Variants in PTPRD observed in about 807,000 individuals in gnomAD.
The protein encoded by PTPRD is receptor-type tyrosine-protein phosphatase delta.
In PTPRD, 34 loss-of-function variants were observed where a neutral mutation model predicts 214.5. The observed-to-expected ratio is 0.16, with a 90% CI of 0.12 to 0.21. The LOEUF (loss-of-function observed/expected upper bound fraction) is 0.21, where lower values mean the gene tolerates loss of function less well. Ranked by LOEUF, PTPRD falls within the 10% of genes least tolerant of loss-of-function variation. The pLI is 1.00. For synonymous variants in PTPRD, 1,128 were observed against 845.7 expected (o/e 1.33, Z -5.79); for missense variants, 2,545 against 2,398.7 (o/e 1.06, Z -1.27).
intron 14 of PTPRD, 50 bp from the exon 15 acceptor site, chr9:8,528,829 C>G (rs2139495297): frequency 6.4e-7 from 1 of 1,565,590 alleles, no homozygotes; most frequent in East Asian, 2.3e-5. Context: ...TCAGATGCTC[C>G]AAATTCAAGA....
intron 2 of PTPRD, among the ~76,000 whole-genome samples, chr9:10,478,515 G>A (rs1566359341): frequency 6.6e-6 from 1 of 152,132 alleles, no homozygotes; most frequent in South Asian, 2.1e-4. Context: ...CTATAGCACT[G>A]TGCCCTTTAT....
At chr9:9,366,127 A>T (rs1275257950) in intron 9 of PTPRD, among the ~76,000 whole-genome samples, 1 of 151,494 alleles carries the variant, frequency 6.6e-6, no homozygotes, top group African/African-American at 2.4e-5. Flanking sequence ...ACACCAGATC[A>T]TATATGGAAG....
intron 10 of PTPRD, among the ~76,000 whole-genome samples, chr9:9,149,614 C>T (rs145263885): frequency 3.3e-5 from 5 of 152,260 alleles, no homozygotes; most frequent in East Asian, 1.9e-4. Context: ...AAAAAAATCC[C>T]GGCTTCATCC....
chr9:9,067,316 A>G (rs1019645522), intron 10 of PTPRD, among the ~76,000 whole-genome samples: 4 of 152,222 alleles, frequency 2.6e-5, no homozygotes, highest in African/African-American at 9.6e-5. Context: ...TTATTACAGA[A>G]GTTAATAGCT....
chr9:9,072,225 G>C (rs773308511), intron 10 of PTPRD, among the ~76,000 whole-genome samples: 1 of 151,158 alleles, frequency 6.6e-6, no homozygotes, highest in Non-Finnish European at 1.5e-5. Context: ...AAGCTTAGTA[G>C]GGTTAGAATC....
chr9:9,086,587 C>T (rs902033935), intron 10 of PTPRD, among the ~76,000 whole-genome samples: 1 of 152,128 alleles, frequency 6.6e-6, no homozygotes, highest in African/African-American at 2.4e-5. Context: ...ACCATCTTGT[C>T]CTCACCCCTC....
chr9:10,240,742 T>C lies in PTPRD; in HGVS notation c.-545+100221A>G, dbSNP rs186636452. ...AACCCCTAACAAATAACAGCTAAAATGATAAATCTGCATGAAGAAAATATG... is the reference window on the plus strand; with the variant it reads ...AACCCCTAACAAATAACAGCTAAAACGATAAATCTGCATGAAGAAAATATG... On this transcript the variant is annotated intron_variant, in intron 3 of 45. Transcript: ENST00000381196. Among the ~76,000 whole-genome samples the C allele has an allele frequency of 1.9e-3, 284 of 151,972 alleles. 4 individuals carry two copies. Among genetic ancestry groups the C allele is most frequent in the African/African-American group, 6.6e-3 (276 of 41,536 alleles).
At chr9:8,468,042 G>A (rs769253926) in intron 31 of PTPRD, among the ~76,000 whole-genome samples, 7 of 151,906 alleles carry the variant, frequency 4.6e-5, no homozygotes, top group Admixed American at 2.6e-4. Flanking sequence ...GTTAATAGTC[G>A]CAATTCATCC....
At position 10,092,972 on chromosome 9, in the gene PTPRD, G is replaced by C. The variant is rs138802472; in HGVS notation, c.-544-59182C>G. 2.6e-3 allele frequency among the ~76,000 whole-genome samples: 392 copies of C among 151,418 alleles called. 4 individuals carry two copies. Among genetic ancestry groups the C allele is most frequent in the African/African-American group, 8.9e-3 (370 of 41,424 alleles). ...TAACTCAAGATAGACTGAAGATTTA[G>C]ATGTAAAACTTCAAACTGTAAAAAT... On this transcript the variant is annotated intron_variant, in intron 3 of 45. Coordinates refer to ENST00000381196, the MANE Select transcript of PTPRD (RefSeq NM_002839.4).
Position 8,319,727 on chromosome 9 carries a change from C to G in PTPRD, c.5670+104G>C. The G allele has an allele frequency of 2.2e-6, 3 of 1,388,730 alleles. No homozygotes were observed. In the East Asian group the frequency reaches 7.1e-5, roughly 33 times the overall value. 86.0% of individuals were successfully genotyped at this position (1,388,730 alleles called of 1,614,324 possible). ...ATTATTAAACAGTTTGATGCTTTCCCCACAGTATTTTGTGTCTGGTGTTGA... is the reference window on the plus strand; with the variant it reads ...ATTATTAAACAGTTTGATGCTTTCCGCACAGTATTTTGTGTCTGGTGTTGA... On this transcript the variant is annotated intron_variant, in intron 45 of 45. Transcript: ENST00000381196.
At chr9:8,666,076 A>G (rs1390727439) in intron 12 of PTPRD, among the ~76,000 whole-genome samples, 1 of 151,316 alleles carries the variant, frequency 6.6e-6, no homozygotes, top group East Asian at 1.9e-4. Context: ...CTTTATATTT[A>G]AAACTATCAG....
chr9:9,727,569 G>A (rs557526507), intron 7 of PTPRD, among the ~76,000 whole-genome samples: 2 of 152,166 alleles, frequency 1.3e-5, no homozygotes, highest in Admixed American at 6.5e-5. Flanking sequence ...ACTCTTCCAT[G>A]TAGTCCAATT....
chr9:8,680,375 GCT>G (rs2097528000), intron 12 of PTPRD, among the ~76,000 whole-genome samples: 2 of 152,016 alleles, frequency 1.3e-5, no homozygotes, highest in Admixed American at 1.3e-4. Context: ...AGAATAAAGG[GCT>G]ACCACTCCCA....
chr9:8,631,824 T>C (rs749919480), intron 14 of PTPRD, among the ~76,000 whole-genome samples: 1 of 151,908 alleles, frequency 6.6e-6, no homozygotes, highest in Non-Finnish European at 1.5e-5. Flanking sequence ...TTCAATTTCT[T>C]GTTTGTAAGC....
intron 2 of PTPRD, among the ~76,000 whole-genome samples, chr9:10,560,225 G>T (rs1029896388): frequency 3.3e-5 from 5 of 152,282 alleles, no homozygotes; most frequent in Admixed American, 3.3e-4. Flanking sequence ...ATACTATGCA[G>T]CCATAAAAAA....
At chr9:9,087,977 G>A (rs1308602240) in intron 10 of PTPRD, among the ~76,000 whole-genome samples, 1 of 135,318 alleles carries the variant, frequency 7.4e-6, no homozygotes, top group Admixed American at 8.6e-5. Flanking sequence ...CACCTTCCAG[G>A]TTCAAGAGAT....
chr9:9,774,773 C>G (rs950719654), intron 5 of PTPRD, among the ~76,000 whole-genome samples: 62 of 152,020 alleles, frequency 4.1e-4, no homozygotes, highest in African/African-American at 1.5e-3. Context: ...GTGTCATAGC[C>G]TTAACATATT....
intron 7 of PTPRD, among the ~76,000 whole-genome samples, chr9:9,630,168 C>T (rs778187937): frequency 1.3e-5 from 2 of 152,184 alleles, no homozygotes; most frequent in African/African-American, 2.4e-5. Flanking sequence ...AGGTCTTTTA[C>T]AGGACTTACA....
chr9:8,983,226 T>A (rs2099322497), intron 11 of PTPRD, among the ~76,000 whole-genome samples: 1 of 152,028 alleles, frequency 6.6e-6, no homozygotes, highest in Non-Finnish European at 1.5e-5. Context: ...AAATCAACCT[T>A]CTTTATATCA....
Sources: allele counts gnomAD v4.1 joint callset (sites outside exome capture counted in the v4.1 genomes callset), GRCh38; gene constraint gnomAD v4.1.1; transcripts MANE v1.5; gene names NCBI Gene and HGNC (gene_info 2026-07-23, HGNC 2026-07-21).